The following TPX2 variants were observed in gnomAD, a reference collection of about 807,000 sequenced individuals.
TPX2 encodes the protein TPX2 microtubule nucleation factor, also known as targeting protein for Xklp2.
TPX2 carries 21 observed loss-of-function variants against 93.6 expected under a neutral mutation model. That is an observed-to-expected ratio of 0.22 (90% confidence interval 0.16 to 0.32). The LOEUF (loss-of-function observed/expected upper bound fraction) is 0.32, where lower values mean the gene tolerates loss of function less well. Among genes scored for constraint, TPX2 ranks in the 10% least tolerant of loss-of-function variants. TPX2 has a pLI of 1.00. For synonymous variants in TPX2, 281 were observed against 298.3 expected (o/e 0.94, Z 0.60); for missense variants, 776 against 871.1 (o/e 0.89, Z 1.37).
In TPX2 at chr20:31,766,452, A is replaced by AGGGG. The variant is rs1407100544; in HGVS notation, c.230-101_230-100insGGGG. ...GAACTAAGGTTTCTGTGGCTTAGAC[A>AGGGG]GGGTGTGTGTGTGTGTGTGTGTGTG... is the stretch of plus-strand genomic sequence containing the variant. On this transcript the variant is annotated intron_variant, in intron 4 of 17. Coordinates refer to ENST00000300403, the MANE Select transcript of TPX2 (RefSeq NM_012112.5). 1.1e-5 allele frequency: 10 copies of AGGGG among 919,174 alleles called. No homozygotes were observed. In the African/African-American group the frequency reaches 1.9e-4, roughly 18 times the overall value. The allele number at this position is 919,174 out of a possible 1,614,324, so 56.9% of individuals were successfully genotyped here.
intron 9 of TPX2, among the ~76,000 whole-genome samples, chr20:31,778,076 A>G (rs1020811830): frequency 6.6e-5 from 10 of 152,154 alleles, no homozygotes; most frequent in African/African-American, 2.2e-4. Flanking sequence ...TGCCTGGCCA[A>G]TATAACAGAT....
In TPX2 at chr20:31,771,624, G is replaced by T; in HGVS notation, c.550G>T (p.Ala184Ser). The T allele has an allele frequency of 6.2e-7, 1 of 1,613,940 alleles. No homozygotes were observed. Among genetic ancestry groups the T allele is most frequent in the South Asian group, 1.1e-5 (1 of 91,046 alleles). Residue 184 changes from alanine to serine, a missense_variant, in exon 7 of 18, where the codon GCA becomes TCA. This residue lies in a region of TPX2 where 279 missense variants were observed against 261.6 expected (regional missense o/e 1.07). Transcript: ENST00000300403. ...SAHQDTAEKNASSPEKAKGRH... is the reference protein window; with the variant it reads ...SAHQDTAEKNSSSPEKAKGRH... ...TCATCAAGATACTGCTGAAAAGAAT[G>T]CATCTTCCCCAGAGAAAGCCAAGGG...
At chr20:31,791,225 T>C (rs1238464445) in intron 12 of TPX2, among the ~76,000 whole-genome samples, 2 of 152,192 alleles carry the variant, frequency 1.3e-5, no homozygotes, top group Non-Finnish European at 2.9e-5. Context: ...AAGTGCCTTG[T>C]GTTTCACGAA....
intron 3 of TPX2, among the ~76,000 whole-genome samples, chr20:31,759,112 C>G (rs2061870921): frequency 6.6e-6 from 1 of 152,024 alleles, no homozygotes; most frequent in Non-Finnish European, 1.5e-5. Flanking sequence ...TCACATCTTT[C>G]TACACAGTTG....
chr20:31,777,568 A>G lies in TPX2; in HGVS notation c.812A>G (p.His271Arg). 6.2e-7 allele frequency: 1 copy of G among 1,614,226 alleles called. No homozygotes were observed. The highest frequency in any genetic ancestry group is 8.5e-7 in the Non-Finnish European group (1 of 1,180,032). ...CGCACAGATGAGCGAATCAAACAAC[A>G]TCCTAAGAACCAGGAGGAATATAAG... ...HFRTDERIKQ[H>R]PKNQEEYKEV... The change falls in exon 9 of 18, where the codon CAT becomes CGT. Residue 271 changes from histidine (H) to arginine (R), a missense_variant. Around this residue, in one of 3 missense-constraint regions of TPX2, gnomAD observed 279 missense variants for 261.6 expected, o/e 1.07. Transcript: ENST00000300403.
chr20:31,741,189 T>A (rs1323189758), intron 1 of TPX2, among the ~76,000 whole-genome samples: 1 of 152,208 alleles, frequency 6.6e-6, no homozygotes, highest in Non-Finnish European at 1.5e-5. Flanking sequence ...CTTCCCTAAT[T>A]CTCTTTGAGT....
intron 5 of TPX2, 91 bp from the exon 6 acceptor site, chr20:31,770,252 G>GAC (rs2061956912): frequency 1.1e-6 from 1 of 895,826 alleles, no homozygotes; most frequent in South Asian, 3.7e-5. Context: ...ATTGCCCTTT[G>GAC]TAGTTTGACA....
At chr20:31,783,465 G>A (rs1010409993) in intron 11 of TPX2, among the ~76,000 whole-genome samples, 71 of 152,156 alleles carry the variant, frequency 4.7e-4, no homozygotes, top group African/African-American at 1.6e-3. Flanking sequence ...TGGCCAGGCT[G>A]GTCTTGAACT....
At position 31,771,815 on chromosome 20, in the gene TPX2, A is replaced by G. The variant is rs2123028156; in HGVS notation, c.608+133A>G. 2.2e-5 allele frequency: 20 copies of G among 900,186 alleles called. No individual in the cohort carries two copies. In the South Asian group the frequency reaches 3.8e-4, roughly 17 times the overall value. The allele number at this position is 900,186 out of a possible 1,614,324, so 55.8% of individuals were successfully genotyped here. A position where few individuals can be genotyped will look rare whatever the true frequency, so the allele number is the denominator to read the frequency against. On this transcript the variant is annotated intron_variant, in intron 7 of 17. Coordinates refer to ENST00000300403, the MANE Select transcript of TPX2 (RefSeq NM_012112.5). ...TGACCATGGTGAGGTGAATTGTTACATGTGTCCTGATGGGTGCTCAGATTT... is the reference window on the plus strand; with the variant it reads ...TGACCATGGTGAGGTGAATTGTTACGTGTGTCCTGATGGGTGCTCAGATTT...
At chr20:31,751,130 G>C (rs2061817116) in intron 2 of TPX2, among the ~76,000 whole-genome samples, 1 of 152,100 alleles carries the variant, frequency 6.6e-6, no homozygotes, top group African/African-American at 2.4e-5. Context: ...AGTCTAGCCT[G>C]AGCAACAGGC....
chr20:31,769,613 C>T lies in TPX2; in HGVS notation c.357-730C>T, dbSNP rs542601171. Among the ~76,000 whole-genome samples, 14 of 152,202 alleles carry T rather than the reference C, an allele frequency of 9.2e-5. No individual in the cohort carries two copies. In the South Asian group the frequency reaches 2.5e-3, roughly 27 times the overall value. ...TGCTGGGATTACAGGCGTGAGCCAC[C>T]GCGCCCAGCCTATCTAATGATCACT... On this transcript the variant is annotated intron_variant, in intron 5 of 17. Transcript: ENST00000300403.
intron 1 of TPX2, among the ~76,000 whole-genome samples, 192 bp from the exon 2 acceptor site, chr20:31,742,349 T>C (rs2122934460): frequency 6.6e-6 from 1 of 152,158 alleles, no homozygotes; most frequent in South Asian, 2.1e-4. Context: ...GGCTAATTTT[T>C]GTATTTTTAG....
At chr20:31,781,449 T>TTAC (rs1568597912) in intron 10 of TPX2, among the ~76,000 whole-genome samples, 1 of 151,522 alleles carries the variant, frequency 6.6e-6, no homozygotes, top group Non-Finnish European at 1.5e-5. Flanking sequence ...GTATTTTTAA[T>TTAC]AGAGACGGGA....
At chr20:31,756,192 G>A (rs142039350) in intron 2 of TPX2, among the ~76,000 whole-genome samples, 25 of 152,330 alleles carry the variant, frequency 1.6e-4, no homozygotes, top group African/African-American at 6.0e-4. Flanking sequence ...GTATACACAA[G>A]TGAGTAAAAT....
intron 3 of TPX2, 65 bp from the exon 4 acceptor site, chr20:31,759,992 A>C: frequency 6.3e-7 from 1 of 1,586,702 alleles, no homozygotes; most frequent in Non-Finnish European, 8.6e-7. Flanking sequence ...TGCATTTTAA[A>C]TGCGTGATAG....
intron 15 of TPX2, among the ~76,000 whole-genome samples, chr20:31,797,127 A>C (rs1239462468): frequency 6.6e-6 from 1 of 152,066 alleles, no homozygotes; most frequent in African/African-American, 2.4e-5. Flanking sequence ...ATGTGAACAT[A>C]AACTAAAAAG....
At chr20:31,775,428 T>C (rs951831602) in intron 7 of TPX2, among the ~76,000 whole-genome samples, 4 of 151,836 alleles carry the variant, frequency 2.6e-5, no homozygotes, top group African/African-American at 4.8e-5. Context: ...CAGGCTGGAG[T>C]GCAGTGGCGT....
In TPX2 at chr20:31,798,551, T is replaced by C. The variant is rs1418748868; in HGVS notation, c.2132T>C (p.Leu711Pro). The C allele has an allele frequency of 3.1e-6, 5 of 1,603,494 alleles. No homozygotes were observed. The highest frequency in any genetic ancestry group is 4.2e-6 in the Non-Finnish European group (5 of 1,176,690). ...KEELARLRRE[L>P]VHKANPIRKY... ...GAGCTGGCCAGGCTACGGAGAGAAC[T>C]GGTAACTGGGAGCATGAGCACTGAC... Residue 711 changes from leucine to proline, a missense_variant and splice_region_variant, in exon 17 of 18, where the codon CTG becomes CCG. Leu to Pro is a moderately conservative substitution (Grantham distance 98). Transcript: ENST00000300403.
At chr20:31,783,553 T>C (rs2062047549) in intron 11 of TPX2, 152 bp from the exon 12 acceptor site, 1 of 763,434 alleles carries the variant, frequency 1.3e-6, no homozygotes, top group Admixed American at 3.4e-5. Context: ...GCCTGGCCCA[T>C]TGTTTTTCGT....
Sources: gnomAD v4.1 joint callset for allele counts (sites outside exome capture counted in the v4.1 genomes callset) on GRCh38, gnomAD v4.1.1 for gene constraint, gnomAD v4.1.1 regional missense constraint, MANE v1.5 for transcripts, NCBI Gene and HGNC (gene_info 2026-07-23, HGNC 2026-07-21) for gene names.